Variants in CCSER1 observed in about 807,000 individuals in gnomAD.
CCSER1 encodes serine-rich coiled-coil domain-containing protein 1.
A neutral mutation model predicts 82.0 loss-of-function variants in CCSER1; 41 were observed. The ratio of observed to expected loss-of-function variants is 0.50; its 90% CI spans 0.39 to 0.65. The LOEUF (loss-of-function observed/expected upper bound fraction) is 0.65, where lower values mean the gene tolerates loss of function less well. CCSER1 is among the 30% of genes least tolerant of loss of function. The pLI is 0.00. For synonymous variants in CCSER1, 414 were observed against 383.9 expected (o/e 1.08, Z -0.92); for missense variants, 1,119 against 1,064.2 (o/e 1.05, Z -0.72).
chr4:91,097,441 CTT>C (rs1420541105), intron 10 of CCSER1, among the ~76,000 whole-genome samples: 1 of 152,104 alleles, frequency 6.6e-6, no homozygotes, highest in Admixed American at 6.5e-5. Flanking sequence ...ACTCAGATCT[CTT>C]AAAGTGATGA....
intron 10 of CCSER1, among the ~76,000 whole-genome samples, chr4:91,121,027 T>C (rs558242321): frequency 4.3e-4 from 65 of 152,070 alleles, no homozygotes; most frequent in Non-Finnish European, 2.1e-4. Context: ...TAGAAATGGA[T>C]GTTTAATAAA....
chr4:91,315,471 A>G lies in CCSER1; in HGVS notation c.2217+229477A>G, dbSNP rs4452394. Reference sequence around the variant, plus strand: ...CCATAAACACAGTTGTTGAATGAATAAGTTATAAAATGAAAAATCACTGAT... The same window carrying G: ...CCATAAACACAGTTGTTGAATGAATGAGTTATAAAATGAAAAATCACTGAT... On this transcript the variant is annotated intron_variant, in intron 10 of 10. Coordinates refer to ENST00000509176, the MANE Select transcript of CCSER1 (RefSeq NM_001145065.2). Among the ~76,000 whole-genome samples the G allele has an allele frequency of 8.0e-3, 1,218 of 152,128 alleles. 45 individuals carry two copies. In the East Asian group the frequency reaches 0.093, roughly 12 times the overall value.
chr4:90,723,596 T>TA (rs1261458850), intron 6 of CCSER1, among the ~76,000 whole-genome samples: 4 of 151,624 alleles, frequency 2.6e-5, no homozygotes, highest in Non-Finnish European at 5.9e-5. Flanking sequence ...CAGTTTAATT[T>TA]AAAAAAGGTA....
chr4:91,081,157 C>T (rs755700903), intron 9 of CCSER1, among the ~76,000 whole-genome samples: 1 of 152,176 alleles, frequency 6.6e-6, no homozygotes, highest in African/African-American at 2.4e-5. Context: ...CAAAAATCCT[C>T]AATAACATAC....
chr4:91,258,010 G>A (rs1056486843), intron 10 of CCSER1, among the ~76,000 whole-genome samples: 1 of 152,080 alleles, frequency 6.6e-6, no homozygotes, highest in Non-Finnish European at 1.5e-5. Context: ...CCACAAGTAA[G>A]AGAAAGAGCA....
At chr4:91,524,270 T>A (rs1760659855) in intron 10 of CCSER1, among the ~76,000 whole-genome samples, 1 of 152,214 alleles carries the variant, frequency 6.6e-6, no homozygotes, top group African/African-American at 2.4e-5. Flanking sequence ...GGTTATAACA[T>A]CTCTTTTTTT....
rs570902799 is a variant in CCSER1, at chr4:90,965,515, C to T, written c.2172+42068C>T. Among the ~76,000 whole-genome samples, 4 of 152,150 alleles carry T rather than the reference C, an allele frequency of 2.6e-5. No individual in the cohort carries two copies. In the East Asian group the frequency reaches 5.8e-4, roughly 22 times the overall value. The stretch of plus-strand genomic sequence containing the variant: ...ATACACAAAACCAATTGGCAAAAGC[C>T]GGGAGACTTATTGGCCAATACATTC... On this transcript the variant is annotated intron_variant, in intron 9 of 10. Coordinates refer to ENST00000509176, the MANE Select transcript of CCSER1 (RefSeq NM_001145065.2).
chr4:91,327,610 T>C (rs990290104), intron 10 of CCSER1, among the ~76,000 whole-genome samples: 3 of 152,246 alleles, frequency 2.0e-5, no homozygotes, highest in African/African-American at 7.2e-5. Context: ...TCTTTTCTTA[T>C]GCAAATTTCT....
intron 1 of CCSER1, among the ~76,000 whole-genome samples, chr4:90,185,626 T>C (rs1242969474): frequency 2.0e-5 from 3 of 151,996 alleles, no homozygotes; most frequent in Non-Finnish European, 4.4e-5. Context: ...TGCCCTTCCA[T>C]TCTGAAAGAC....
At chr4:90,888,406 A>G (rs1722472888) in intron 8 of CCSER1, among the ~76,000 whole-genome samples, 1 of 152,200 alleles carries the variant, frequency 6.6e-6, no homozygotes, top group South Asian at 2.1e-4. Flanking sequence ...GAGTAGAAAG[A>G]GTAGTGAACA....
intron 10 of CCSER1, among the ~76,000 whole-genome samples, chr4:91,259,240 C>G (rs1295309653): frequency 1.3e-5 from 2 of 152,046 alleles, no homozygotes; most frequent in African/African-American, 4.8e-5. Flanking sequence ...GCAGATTTGT[C>G]GCTTCATTCC....
intron 3 of CCSER1, among the ~76,000 whole-genome samples, chr4:90,363,402 A>G (rs1161198385): frequency 6.6e-6 from 1 of 152,194 alleles, no homozygotes; most frequent in Non-Finnish European, 1.5e-5. Context: ...TTTTTGACAT[A>G]TAATAGTTGC....
rs561845738 is a variant in CCSER1, at chr4:91,449,722, G to A, written c.2218-148850G>A. On this transcript the variant is annotated intron_variant, in intron 10 of 10. Transcript: ENST00000509176. ...TATTTATTTAAATTAATTATTTTTC[G>A]TTAATTGTTTTGTATTTAGGGACTA... is the stretch of plus-strand genomic sequence containing the variant. 8.9e-4 allele frequency among the ~76,000 whole-genome samples: 135 copies of A among 151,700 alleles called. 1 individual carries two copies. Among genetic ancestry groups the A allele is most frequent in the South Asian group, 7.1e-3 (34 of 4,800 alleles).
At chr4:91,061,820 G>A (rs1743981224) in intron 9 of CCSER1, among the ~76,000 whole-genome samples, 1 of 151,820 alleles carries the variant, frequency 6.6e-6, no homozygotes, top group Admixed American at 6.6e-5. Context: ...CCTCAATGTA[G>A]CACAGCATAG....
chr4:91,180,598 A>G lies in CCSER1; in HGVS notation c.2217+94604A>G, dbSNP rs115540268. On this transcript the variant is annotated intron_variant, in intron 10 of 10. Transcript: ENST00000509176. ...GTGAGTGAGGCTCTGTGGGCTTGGG[A>G]CCATCTGAGCCAGGCACAGGATTTA... Among the ~76,000 whole-genome samples the G allele has an allele frequency of 8.1e-3, 1,238 of 152,240 alleles. 8 individuals carry two copies. Among genetic ancestry groups the G allele is most frequent in the African/African-American group, 0.019 (792 of 41,550 alleles).
chr4:90,564,294 G>T (rs994643150), intron 5 of CCSER1, among the ~76,000 whole-genome samples: 2 of 152,080 alleles, frequency 1.3e-5, no homozygotes, highest in Non-Finnish European at 2.9e-5. Flanking sequence ...GGCCTCAAGT[G>T]ATCCTCCGCC....
At chr4:91,591,091 G>A (rs1434048262) in intron 10 of CCSER1, among the ~76,000 whole-genome samples, 1 of 152,052 alleles carries the variant, frequency 6.6e-6, no homozygotes, top group African/African-American at 2.4e-5. Flanking sequence ...TCACAACTGG[G>A]TGACAGAGAG....
chr4:91,533,027 G>A (rs1761113516), intron 10 of CCSER1, among the ~76,000 whole-genome samples: 1 of 152,036 alleles, frequency 6.6e-6, no homozygotes, highest in African/African-American at 2.4e-5. Context: ...AAGAAGCATT[G>A]TTATCTACCT....
At chr4:90,404,135 G>C (rs759404305) in intron 4 of CCSER1, 1 of 152,242 alleles carries the variant, frequency 6.6e-6, no homozygotes, top group African/African-American at 2.4e-5. Flanking sequence ...ATGGGAGTGA[G>C]ATAGGCCCTT....
Sources: gnomAD v4.1 joint callset for allele counts (sites outside exome capture counted in the v4.1 genomes callset) on GRCh38, gnomAD v4.1.1 for gene constraint, MANE v1.5 for transcripts, NCBI Gene and HGNC (gene_info 2026-07-23, HGNC 2026-07-21) for gene names.